MYO10: variants seen among roughly 807,000 people sequenced by gnomAD.
MYO10 encodes the protein unconventional myosin-X.
In MYO10, 133 loss-of-function variants were observed where a neutral mutation model predicts 257.3. The observed-to-expected ratio is 0.52, with a 90% CI of 0.45 to 0.60. The LOEUF is 0.60. Among genes scored for constraint, MYO10 ranks in the 20% least tolerant of loss-of-function variants. The pLI is 0.00. For synonymous variants in MYO10, 1,104 were observed against 1,028.6 expected (o/e 1.07, Z -1.40); for missense variants, 2,399 against 2,635.7 (o/e 0.91, Z 1.97).
At chr5:16,916,724 T>C (rs1245281445) in intron 1 of MYO10, among the ~76,000 whole-genome samples, 1 of 152,160 alleles carries the variant, frequency 6.6e-6, no homozygotes, top group Non-Finnish European at 1.5e-5. Context: ...ACAATAGGCT[T>C]GATGAAAATT....
Position 16,827,401 on chromosome 5 carries a change from C to G in MYO10, c.121-9234G>C, listed in dbSNP as rs1220117637. On this transcript the variant is annotated intron_variant, in intron 2 of 40. Transcript: ENST00000513610. Reference sequence around the variant, plus strand: ...TCCTGGGTTCAAGCAATTCTCCTGGCTCAGCCTCCCGGATAGCTGGAATTA... The same window carrying G: ...TCCTGGGTTCAAGCAATTCTCCTGGGTCAGCCTCCCGGATAGCTGGAATTA... 2.0e-5 allele frequency among the ~76,000 whole-genome samples: 3 copies of G among 152,304 alleles called. No homozygotes were observed. In the South Asian group the frequency reaches 6.2e-4, roughly 32 times the overall value.
At chr5:16,718,265 C>T (rs961392056) in intron 19 of MYO10, among the ~76,000 whole-genome samples, 4 of 152,340 alleles carry the variant, frequency 2.6e-5, no homozygotes, top group African/African-American at 4.8e-5. Flanking sequence ...GCGGCCGGAG[C>T]CTCCCTGACG....
chr5:16,690,921 GT>G (rs1214373593), intron 27 of MYO10, among the ~76,000 whole-genome samples: 1 of 152,040 alleles, frequency 6.6e-6, no homozygotes, highest in Non-Finnish European at 1.5e-5. Context: ...ATAGTAATAC[GT>G]TTGATGAAGA....
chr5:16,694,657 C>A lies in MYO10; in HGVS notation c.3557-43G>T. 1.9e-6 allele frequency: 3 copies of A among 1,606,750 alleles called. No individual in the cohort carries two copies. In the South Asian group the frequency reaches 3.3e-5, roughly 18 times the overall value. ...GGGTAGAGAGGGGTGAAAGAAAAGT[C>A]AGTCAAGTTGGATGACAACAACATG... On this transcript the variant is annotated intron_variant, in intron 26 of 40. Coordinates refer to ENST00000513610, the MANE Select transcript of MYO10 (RefSeq NM_012334.3).
intron 23 of MYO10, 104 bp from the exon 24 acceptor site, chr5:16,702,692 T>A: frequency 8.7e-7 from 1 of 1,153,336 alleles, no homozygotes; most frequent in South Asian, 1.4e-5. Flanking sequence ...ACAGAAAGCA[T>A]GAAAGACAGA....
intron 1 of MYO10, among the ~76,000 whole-genome samples, chr5:16,930,101 G>A (rs1746254805): frequency 6.6e-6 from 1 of 152,180 alleles, no homozygotes; most frequent in African/African-American, 2.4e-5. Flanking sequence ...CATTTGAAAA[G>A]GGGAGAGGGT....
rs1437756525 is a variant in MYO10 at position 16,664,791 on chromosome 5, G to A, written c.*1901C>T. On this transcript the variant is annotated 3_prime_UTR_variant, in exon 41 of 41. Transcript: ENST00000513610. ...CAGCTGTGTGTGACTTCATTTACCA[G>A]TCCCTTCTTTTGCTTTCTTGAAGTC... 3 of 152,140 alleles carry A rather than the reference G, an allele frequency of 2.0e-5. No homozygotes were observed. Among genetic ancestry groups the A allele is most frequent in the Non-Finnish European group, 4.4e-5 (3 of 68,038 alleles). 9.4% of individuals were successfully genotyped at this position (152,140 alleles called of 1,614,324 possible). A position where few individuals can be genotyped will look rare whatever the true frequency, so the allele number is the denominator to read the frequency against.
chr5:16,721,572 C>T (rs1739154089), intron 19 of MYO10, among the ~76,000 whole-genome samples: 2 of 152,296 alleles, frequency 1.3e-5, no homozygotes, highest in South Asian at 4.1e-4. Flanking sequence ...AGGTGAGGAA[C>T]AGGAAGGTAG....
Position 16,930,840 on chromosome 5 carries a change from T to TG in MYO10, c.21+4947dup, listed in dbSNP as rs1361959308. Reference sequence around the variant, plus strand: ...AAGATAGGATGCTCTGCACTCAGCCTGGGGGCAGTTAGGCAAGGGGAAACG... The same window carrying TG: ...AAGATAGGATGCTCTGCACTCAGCCTGGGGGGCAGTTAGGCAAGGGGAAACG... On this transcript the variant is annotated intron_variant, in intron 1 of 40. Transcript: ENST00000513610. Among the ~76,000 whole-genome samples the TG allele has an allele frequency of 2.6e-5, 4 of 152,208 alleles. No homozygotes were observed. The East Asian group carries it at 7.7e-4, about 29-fold the overall frequency.
intron 4 of MYO10, among the ~76,000 whole-genome samples, chr5:16,790,016 T>G (rs996355313): frequency 5.9e-5 from 9 of 152,048 alleles, no homozygotes; most frequent in African/African-American, 1.9e-4. Flanking sequence ...CTCTTTCATC[T>G]GCTATATTAC....
At chr5:16,933,539 A>G (rs1159302520) in intron 1 of MYO10, among the ~76,000 whole-genome samples, 1 of 152,234 alleles carries the variant, frequency 6.6e-6, no homozygotes, top group African/African-American at 2.4e-5. Context: ...GGGAAAAGTT[A>G]GCAAAGACAG....
At chr5:16,702,694 A>G in intron 23 of MYO10, 106 bp from the exon 24 acceptor site, 1 of 1,136,484 alleles carries the variant, frequency 8.8e-7, no homozygotes, top group South Asian at 1.4e-5. Flanking sequence ...AGAAAGCATG[A>G]AAGACAGAGC....
intron 31 of MYO10, 130 bp downstream of exon 31, chr5:16,681,740 AT>A (rs1737011530): frequency 1.6e-6 from 2 of 1,235,210 alleles, no homozygotes; most frequent in East Asian, 5.1e-5. Context: ...CAAATTAAAA[AT>A]CACTTACAAA....
At chr5:16,782,707 C>T (rs1741458600) in intron 5 of MYO10, among the ~76,000 whole-genome samples, 2 of 152,120 alleles carry the variant, frequency 1.3e-5, no homozygotes, top group Non-Finnish European at 2.9e-5. Flanking sequence ...TGTATAAAGT[C>T]CCTACCGGTT....
Position 16,711,161 on chromosome 5 carries a change from C to G in MYO10, c.2014G>C (p.Gly672Arg). 6.2e-7 allele frequency: 1 copy of G among 1,613,846 alleles called. No homozygotes were observed. Among genetic ancestry groups the G allele is most frequent in the Non-Finnish European group, 8.5e-7 (1 of 1,179,834 alleles). ...MLETVRIRKA[G>R]YAVRRPFQDF... ...TGAAAGGGTCTTCGGACCGCATACC[C>G]AGCTTTGCGGATTCTCACAGTCTCC... The change falls in exon 20 of 41, where the codon GGG becomes CGG. Residue 672 changes from glycine to arginine, a missense_variant. Gly to Arg is a moderately radical substitution (Grantham distance 125). Coordinates refer to ENST00000513610, the MANE Select transcript of MYO10 (RefSeq NM_012334.3).
intron 1 of MYO10, among the ~76,000 whole-genome samples, chr5:16,914,703 A>G (rs1041727261): frequency 1.3e-5 from 2 of 152,224 alleles, no homozygotes; most frequent in Non-Finnish European, 2.9e-5. Flanking sequence ...ATGGGATCGT[A>G]TCGCACTAGA....
chr5:16,704,341 C>T (rs1738231782), intron 22 of MYO10, among the ~76,000 whole-genome samples: 1 of 152,044 alleles, frequency 6.6e-6, no homozygotes. Flanking sequence ...ATAAATAGAT[C>T]TCAGTAGAGT....
chr5:16,739,371 CTT>C (rs1031471509), intron 19 of MYO10, among the ~76,000 whole-genome samples: 2 of 151,974 alleles, frequency 1.3e-5, no homozygotes, highest in African/African-American at 4.8e-5. Context: ...AAAACATGTT[CTT>C]ATTGATTTGT....
chr5:16,697,431 G>A (rs987595261), intron 26 of MYO10, among the ~76,000 whole-genome samples: 2 of 152,236 alleles, frequency 1.3e-5, no homozygotes, highest in African/African-American at 4.8e-5. Flanking sequence ...GCTGGGCGCG[G>A]TGGCTCACTC....
Sources: gnomAD v4.1 joint callset for allele counts (sites outside exome capture counted in the v4.1 genomes callset) on GRCh38, gnomAD v4.1.1 for gene constraint, MANE v1.5 for transcripts, NCBI Gene and HGNC (gene_info 2026-07-23, HGNC 2026-07-21) for gene names.